NALF1: variants seen among roughly 807,000 people sequenced by gnomAD.
NALF1 encodes NALCN channel auxiliary factor 1.
Under a neutral mutation model 48.4 loss-of-function variants are expected in NALF1, and 3 were observed. The observed-to-expected ratio is 0.06, with a 90% CI of 0.03 to 0.16. The LOEUF (loss-of-function observed/expected upper bound fraction) is 0.16. NALF1 is among the 10% of genes least tolerant of loss of function. The pLI is 1.00. For synonymous variants in NALF1, 262 were observed against 245.7 expected (o/e 1.07, Z -0.62); for missense variants, 526 against 571.5 (o/e 0.92, Z 0.81).
chr13:107,512,878 G>A (rs909934874), intron 1 of NALF1, among the ~76,000 whole-genome samples: 1 of 152,052 alleles, frequency 6.6e-6, no homozygotes, highest in Middle Eastern at 3.2e-3. Flanking sequence ...TCCTCAATCT[G>A]GTCCAGTGTC....
intron 1 of NALF1, among the ~76,000 whole-genome samples, chr13:107,614,965 A>T (rs7330406): frequency 0.15 from 23,033 of 151,530 alleles, 2,415 homozygotes; most frequent in East Asian, 0.37. Context: ...TTAGTAGAGA[A>T]GAGGTTTCAC....
At chr13:107,697,547 G>A (rs1021258209) in intron 1 of NALF1, among the ~76,000 whole-genome samples, 3 of 151,460 alleles carry the variant, frequency 2.0e-5, no homozygotes, top group Non-Finnish European at 4.4e-5. Context: ...TATTTTTTAG[G>A]CTTACATAAA....
intron 1 of NALF1, among the ~76,000 whole-genome samples, chr13:107,468,664 T>C (rs1885047387): frequency 6.6e-6 from 1 of 152,350 alleles, no homozygotes; most frequent in Non-Finnish European, 1.5e-5. Context: ...AATTATTATG[T>C]AACAAACACT....
intron 1 of NALF1, among the ~76,000 whole-genome samples, chr13:107,739,120 G>A (rs972647090): frequency 7.9e-5 from 12 of 151,982 alleles, no homozygotes; most frequent in East Asian, 3.9e-4. Context: ...GAGAACACAC[G>A]GACACAGGGA....
Position 107,587,958 on chromosome 13 carries a change from T to C in NALF1, c.915+277724A>G, listed in dbSNP as rs1225359233. Among the ~76,000 whole-genome samples the C allele has an allele frequency of 3.3e-5, 5 of 152,110 alleles. 1 individual carries two copies. Among genetic ancestry groups the C allele is most frequent in the African/African-American group, 4.8e-5 (2 of 41,440 alleles). On this transcript the variant is annotated intron_variant, in intron 1 of 2. Transcript: ENST00000375915. Reference sequence around the variant, plus strand: ...CACAATAAAATGTACTGAACAAATGTGTGCATGGAAGAATGAACGACTGGC... The same window carrying C: ...CACAATAAAATGTACTGAACAAATGCGTGCATGGAAGAATGAACGACTGGC...
intron 1 of NALF1, among the ~76,000 whole-genome samples, chr13:107,392,855 C>T (rs1250588859): frequency 6.6e-6 from 1 of 152,000 alleles, no homozygotes; most frequent in Admixed American, 6.6e-5. Context: ...TTGGAAGGTG[C>T]CATCTACCAT....
chr13:107,524,194 T>C (rs1303496465), intron 1 of NALF1, among the ~76,000 whole-genome samples: 1 of 152,112 alleles, frequency 6.6e-6, no homozygotes, highest in Admixed American at 6.6e-5. Context: ...TTTCCACAAA[T>C]AATGCATGAA....
At chr13:107,852,956 G>A (rs1489649973) in intron 1 of NALF1, among the ~76,000 whole-genome samples, 1 of 152,074 alleles carries the variant, frequency 6.6e-6, no homozygotes. Flanking sequence ...CATCCTTTCA[G>A]CCACTTCATC....
At chr13:107,801,974 T>A (rs1007152334) in intron 1 of NALF1, among the ~76,000 whole-genome samples, 16 of 151,948 alleles carry the variant, frequency 1.1e-4, no homozygotes, top group African/African-American at 3.9e-4. Flanking sequence ...CCATGTTTTT[T>A]GCCTATGATT....
chr13:107,767,681 A>C (rs1481861793), intron 1 of NALF1, among the ~76,000 whole-genome samples: 1 of 152,198 alleles, frequency 6.6e-6, no homozygotes, highest in African/African-American at 2.4e-5. Flanking sequence ...AATATATTTC[A>C]CTAAAGTATC....
rs141035523 is a variant in NALF1 at position 107,542,196 on chromosome 13, G to T, written c.915+323486C>A. Among the ~76,000 whole-genome samples, 218 of 152,026 alleles carry T rather than the reference G, an allele frequency of 1.4e-3. 1 individual carries two copies. Among genetic ancestry groups the T allele is most frequent in the African/African-American group, 4.6e-3 (190 of 41,494 alleles). ...ACATGCTACCACCTGGATGAACTTG[G>T]GAAGCATTGTGCTAAGTGAAAGAAA... On this transcript the variant is annotated intron_variant, in intron 1 of 2. Transcript: ENST00000375915.
chr13:107,643,193 G>A (rs1880208646), intron 1 of NALF1, among the ~76,000 whole-genome samples: 1 of 152,114 alleles, frequency 6.6e-6, no homozygotes, highest in African/African-American at 2.4e-5. Context: ...TTTATGGCCT[G>A]GTGATGATTG....
chr13:107,329,548 C>T (rs1049750088), intron 1 of NALF1, among the ~76,000 whole-genome samples: 13 of 151,668 alleles, frequency 8.6e-5, no homozygotes, highest in African/African-American at 9.7e-5. Context: ...ATGTGCACAA[C>T]GTGCAGGTTT....
At chr13:107,522,680 T>C (rs1450298971) in intron 1 of NALF1, among the ~76,000 whole-genome samples, 5 of 152,118 alleles carry the variant, frequency 3.3e-5, no homozygotes, top group Non-Finnish European at 7.4e-5. Flanking sequence ...CTCGACTCAC[T>C]GCAACCTCCG....
intron 1 of NALF1, among the ~76,000 whole-genome samples, chr13:107,501,479 T>C (rs575039872): frequency 2.0e-5 from 3 of 152,322 alleles, no homozygotes; most frequent in Admixed American, 6.5e-5. Flanking sequence ...AGCAAATATT[T>C]TGAACAATGA....
At chr13:107,730,592 C>G (rs1447006491) in intron 1 of NALF1, among the ~76,000 whole-genome samples, 1 of 152,102 alleles carries the variant, frequency 6.6e-6, no homozygotes, top group Non-Finnish European at 1.5e-5. Flanking sequence ...AGAAGACATT[C>G]AGTATTTCAT....
intron 1 of NALF1, among the ~76,000 whole-genome samples, chr13:107,737,282 CAATAA>C (rs1407857089): frequency 1.3e-4 from 20 of 152,062 alleles, no homozygotes; most frequent in Non-Finnish European, 2.6e-4. Context: ...GTCTAGCTAA[CAATAA>C]ACAAAATTCC....
intron 1 of NALF1, among the ~76,000 whole-genome samples, chr13:107,379,226 CCCAGAAATAA>C (rs1353660089): frequency 1.3e-5 from 2 of 152,096 alleles, no homozygotes; most frequent in Non-Finnish European, 2.9e-5. Flanking sequence ...TGAGTGATAA[CCCAGAAATAA>C]CCATAGTTGT....
Position 107,736,387 on chromosome 13 carries a change from C to A in NALF1, c.915+129295G>T, listed in dbSNP as rs532792964. ...TTGAATTGTTGATGCAGGTTGATTA[C>A]ACCCCTGTTGCTGCTGCTGTCAGTA... On this transcript the variant is annotated intron_variant, in intron 1 of 2. Coordinates refer to ENST00000375915, the MANE Select transcript of NALF1 (RefSeq NM_001080396.3). 3.9e-5 allele frequency among the ~76,000 whole-genome samples: 6 copies of A among 152,268 alleles called. No individual in the cohort carries two copies. In the South Asian group the frequency reaches 1.2e-3, roughly 32 times the overall value.
Sources: gnomAD v4.1 joint callset for allele counts (sites outside exome capture counted in the v4.1 genomes callset) on GRCh38, gnomAD v4.1.1 for gene constraint, MANE v1.5 for transcripts, NCBI Gene and HGNC (gene_info 2026-07-23, HGNC 2026-07-21) for gene names.